The following LINGO2 variants were observed in gnomAD, a reference collection of about 807,000 sequenced individuals.
LINGO2 encodes leucine-rich repeat and immunoglobulin-like domain-containing nogo receptor-interacting protein 2.
A neutral mutation model predicts 30.6 loss-of-function variants in LINGO2; 14 were observed. The ratio of observed to expected loss-of-function variants is 0.46; its 90% CI spans 0.30 to 0.72. The LOEUF (loss-of-function observed/expected upper bound fraction) is 0.72. LINGO2 is among the 30% of genes least tolerant of loss of function. LINGO2 has a pLI of 0.07. For synonymous variants in LINGO2, 317 were observed against 288.5 expected, an observed-to-expected ratio of 1.10 and a Z score of -1.00; for missense variants, 729 against 751.7, an observed-to-expected ratio of 0.97 and a Z score of 0.35.
the LINGO2 span, among the ~76,000 whole-genome samples, chr9:29,156,358 G>A: frequency 6.6e-6 from 1 of 152,074 alleles, no homozygotes; most frequent in African/African-American, 2.4e-5. Context: ...ATATAGTAGT[G>A]TAGTTTCAAC....
chr9:28,321,226 C>T (rs1825030560), intron 3 of LINGO2, among the ~76,000 whole-genome samples: 2 of 152,152 alleles, frequency 1.3e-5, no homozygotes, highest in South Asian at 4.2e-4. Context: ...AACAAATTAC[C>T]TACTGAAATT....
intron 1 of LINGO2, among the ~76,000 whole-genome samples, chr9:28,637,019 C>T (rs1213062494): frequency 1.3e-5 from 2 of 152,120 alleles, no homozygotes; most frequent in African/African-American, 4.8e-5. Flanking sequence ...GGAAGGGATC[C>T]AGTTTCAGCT....
At chr9:29,081,884 C>A in the LINGO2 span, among the ~76,000 whole-genome samples, 1 of 151,650 alleles carries the variant, frequency 6.6e-6, no homozygotes, top group African/African-American at 2.4e-5. Flanking sequence ...ATGTGAAGGA[C>A]CTCTTCAAGG....
At chr9:28,031,882 C>A (rs887719008) in intron 4 of LINGO2, among the ~76,000 whole-genome samples, 6 of 152,180 alleles carry the variant, frequency 3.9e-5, no homozygotes, top group African/African-American at 1.4e-4. Context: ...CACCATGATG[C>A]TCCAAATCCT....
the LINGO2 span, among the ~76,000 whole-genome samples, chr9:29,113,840 G>T: frequency 2.0e-5 from 3 of 152,104 alleles, no homozygotes; most frequent in African/African-American, 7.2e-5. Flanking sequence ...GGTCAAGAGC[G>T]AGGTGATAAA....
chr9:28,482,909 C>T (rs926293388), intron 1 of LINGO2, among the ~76,000 whole-genome samples: 14 of 152,186 alleles, frequency 9.2e-5, no homozygotes, highest in African/African-American at 2.9e-4. Flanking sequence ...AAAACCTAGG[C>T]ATTACCATTC....
At chr9:28,355,619 G>T (rs1475909711) in intron 3 of LINGO2, among the ~76,000 whole-genome samples, 1 of 151,974 alleles carries the variant, frequency 6.6e-6, no homozygotes, top group Non-Finnish European at 1.5e-5. Context: ...TTCACAGGTG[G>T]ACAGAGATCC....
intron 3 of LINGO2, among the ~76,000 whole-genome samples, chr9:28,299,992 T>C (rs1824075867): frequency 1.3e-5 from 2 of 152,094 alleles, no homozygotes; most frequent in African/African-American, 4.8e-5. Flanking sequence ...TAAATGGTGT[T>C]TCTGGTAGGT....
chr9:28,347,654 T>G lies in LINGO2; in HGVS notation c.-246+25182A>C, dbSNP rs138964073. Among the ~76,000 whole-genome samples, 520 of 152,352 alleles carry G rather than the reference T, an allele frequency of 3.4e-3. 2 individuals are homozygous for G. The highest frequency in any genetic ancestry group is 0.012 in the African/African-American group (503 of 41,578). On this transcript the variant is annotated intron_variant, in intron 3 of 5. Transcript: ENST00000379992. ...TAGTTACATGTTCGAATAAGCTAAG[T>G]TGCTCAATTCTGAAAATCTTAATCT...
At chr9:28,438,505 A>C (rs758212662) in intron 2 of LINGO2, among the ~76,000 whole-genome samples, 8 of 152,188 alleles carry the variant, frequency 5.3e-5, no homozygotes, top group Non-Finnish European at 1.0e-4. Flanking sequence ...CTTCAGCCTC[A>C]GACTGAATTA....
At chr9:28,212,383 C>A in intron 4 of LINGO2, among the ~76,000 whole-genome samples, 1 of 151,308 alleles carries the variant, frequency 6.6e-6, no homozygotes, top group Non-Finnish European at 1.5e-5. Flanking sequence ...AGGATTTGAA[C>A]CCGTTTGACA....
At chr9:28,844,324 T>C in the LINGO2 span, among the ~76,000 whole-genome samples, 1 of 151,888 alleles carries the variant, frequency 6.6e-6, no homozygotes, top group Non-Finnish European at 1.5e-5. Flanking sequence ...ATCATGCCAT[T>C]GCACTCTAGC....
chr9:28,817,273 G>A, the LINGO2 span, among the ~76,000 whole-genome samples: 3 of 152,018 alleles, frequency 2.0e-5, no homozygotes, highest in African/African-American at 7.3e-5. Context: ...CCATTCTTTT[G>A]TATTAGCAAA....
chr9:28,931,905 C>G, the LINGO2 span, among the ~76,000 whole-genome samples: 1 of 150,846 alleles, frequency 6.6e-6, no homozygotes, highest in Non-Finnish European at 1.5e-5. Flanking sequence ...GTCAGGAGTT[C>G]GAGATCAGCC....
At chr9:28,443,155 G>T (rs865885610) in intron 2 of LINGO2, among the ~76,000 whole-genome samples, 1 of 152,152 alleles carries the variant, frequency 6.6e-6, no homozygotes, top group Non-Finnish European at 1.5e-5. Flanking sequence ...CAATTGCCTC[G>T]CTTCATCTAT....
At chr9:28,710,472 C>A in the LINGO2 span, among the ~76,000 whole-genome samples, 1 of 151,938 alleles carries the variant, frequency 6.6e-6, no homozygotes, top group African/African-American at 2.4e-5. Flanking sequence ...CTATTAGATG[C>A]CTATTTAGCT....
rs540960158 is a variant in LINGO2, at chr9:28,186,481, G to A, written c.-87+108727C>T. 8.5e-5 allele frequency among the ~76,000 whole-genome samples: 13 copies of A among 152,152 alleles called. No individual in the cohort carries two copies. The South Asian group carries it at 2.7e-3, about 32-fold the overall frequency. ...GAGCAAAGATCTCTGTTTTCACAAG[G>A]CTAATGTTCTAGACAGATGAGACAA... On this transcript the variant is annotated intron_variant, in intron 4 of 5. Coordinates refer to ENST00000379992, the Ensembl canonical transcript of LINGO2.
chr9:28,454,307 T>C (rs1376216719), intron 2 of LINGO2, among the ~76,000 whole-genome samples: 1 of 152,046 alleles, frequency 6.6e-6, no homozygotes, highest in East Asian at 1.9e-4. Flanking sequence ...TTTCAACTTT[T>C]GCACTTATTT....
At chr9:28,667,130 G>A (rs1020269087) in intron 1 of LINGO2, among the ~76,000 whole-genome samples, 4 of 152,126 alleles carry the variant, frequency 2.6e-5, no homozygotes, top group African/African-American at 4.8e-5. Context: ...GTACTTGGCT[G>A]ATCAAACAAA....
Sources: allele counts gnomAD v4.1 joint callset (sites outside exome capture counted in the v4.1 genomes callset), GRCh38; gene constraint gnomAD v4.1.1; transcripts MANE v1.5; gene names NCBI Gene and HGNC (gene_info 2026-07-23, HGNC 2026-07-21).